The following CCDC172 variants were observed in gnomAD, a reference collection of about 807,000 sequenced individuals.
CCDC172 encodes coiled-coil domain-containing protein 172.
Under a neutral mutation model 38.0 loss-of-function variants are expected in CCDC172, and 30 were observed. That is an observed-to-expected ratio of 0.79 (90% CI 0.59 to 1.07). The LOEUF (loss-of-function observed/expected upper bound fraction) is 1.07. Among genes scored for constraint, CCDC172 ranks in the 50% least tolerant of loss-of-function variants. The pLI, the probability that CCDC172 is intolerant of heterozygous loss-of-function variation, is 0.00. For missense variants in CCDC172, 297 were observed against 290.1 expected, an observed-to-expected ratio of 1.02 and a Z score of -0.17; for synonymous variants, 78 against 88.3, an observed-to-expected ratio of 0.88 and a Z score of 0.66.
chr10:116,346,676 A>G (rs951314888), intron 5 of CCDC172, among the ~76,000 whole-genome samples: 1 of 151,984 alleles, frequency 6.6e-6, no homozygotes, highest in African/African-American at 2.4e-5. Context: ...AGTCCCTGAT[A>G]TCACAGATGC....
chr10:116,328,366 C>T (rs908681566), intron 3 of CCDC172, among the ~76,000 whole-genome samples: 14 of 152,004 alleles, frequency 9.2e-5, no homozygotes, highest in Non-Finnish European at 1.8e-4. Context: ...TCCAAAACTT[C>T]TGATAGTTAA....
intron 3 of CCDC172, among the ~76,000 whole-genome samples, chr10:116,330,751 A>T (rs986531406): frequency 2.2e-4 from 34 of 152,088 alleles, no homozygotes; most frequent in Admixed American, 2.0e-4. Flanking sequence ...TTTATTTTTA[A>T]GAGACAGAGT....
rs149010852 is a variant in CCDC172, at chr10:116,377,906, C to T, written c.654-517C>T. ...ATAAAATTATTAAATGTCAGCTGGG[C>T]GTGGTGGCTAACACCTGTAATCCCA... is the stretch of plus-strand genomic sequence containing the variant. On this transcript the variant is annotated intron_variant, in intron 7 of 8. Transcript: ENST00000333254. Among the ~76,000 whole-genome samples, 805 of 152,180 alleles carry T rather than the reference C, an allele frequency of 5.3e-3. 7 individuals are homozygous for T. The highest frequency in any genetic ancestry group is 0.016 in the African/African-American group (665 of 41,530).
intron 8 of CCDC172, among the ~76,000 whole-genome samples, 190 bp downstream of exon 8, chr10:116,378,700 G>GAT (rs1845278291): frequency 6.6e-6 from 1 of 152,082 alleles, no homozygotes; most frequent in South Asian, 2.1e-4. Flanking sequence ...AGAGTTAGGT[G>GAT]CTACATGAAG....
intron 7 of CCDC172, among the ~76,000 whole-genome samples, chr10:116,361,372 TAACA>T (rs138651553): frequency 6.6e-6 from 1 of 152,302 alleles, no homozygotes; most frequent in African/African-American, 2.4e-5. Context: ...AATTATAACA[TAACA>T]GACAATTTTA....
At chr10:116,327,210 C>T (rs757696648) in intron 3 of CCDC172, among the ~76,000 whole-genome samples, 1 of 152,138 alleles carries the variant, frequency 6.6e-6, no homozygotes, top group Non-Finnish European at 1.5e-5. Flanking sequence ...AATTCAGAAA[C>T]AATTAAACTA....
chr10:116,341,278 A>G (rs944934717), intron 4 of CCDC172, among the ~76,000 whole-genome samples: 1 of 152,068 alleles, frequency 6.6e-6, no homozygotes, highest in Non-Finnish European at 1.5e-5. Flanking sequence ...ATTTAGAAAT[A>G]TGACTTGTGA....
At chr10:116,346,453 C>T (rs776165883) in intron 5 of CCDC172, among the ~76,000 whole-genome samples, 8 of 151,938 alleles carry the variant, frequency 5.3e-5, no homozygotes, top group Non-Finnish European at 7.4e-5. Flanking sequence ...TGCAAACTAA[C>T]GTAAAGCCAT....
At chr10:116,371,854 A>G (rs1230936033) in intron 7 of CCDC172, among the ~76,000 whole-genome samples, 1 of 152,112 alleles carries the variant, frequency 6.6e-6, no homozygotes, top group African/African-American at 2.4e-5. Flanking sequence ...GTCTCTCCCC[A>G]AAAGATAAGA....
chr10:116,363,792 C>T (rs898034202), intron 7 of CCDC172, among the ~76,000 whole-genome samples: 5 of 151,646 alleles, frequency 3.3e-5, no homozygotes, highest in African/African-American at 1.2e-4. Flanking sequence ...CAAAAATTAG[C>T]TGGGGGTGGA....
intron 7 of CCDC172, 81 bp downstream of exon 7, chr10:116,358,019 CA>C: frequency 1.4e-6 from 1 of 714,480 alleles, no homozygotes; most frequent in Admixed American, 2.9e-5. Context: ...CTAAGTGCAT[CA>C]ATTATTAATT....
chr10:116,374,196 T>G (rs1034866478), intron 7 of CCDC172, among the ~76,000 whole-genome samples: 5 of 152,142 alleles, frequency 3.3e-5, no homozygotes, highest in African/African-American at 4.8e-5. Context: ...CGTATTGCAC[T>G]TAATGATGAG....
chr10:116,368,440 C>A (rs891056362), intron 7 of CCDC172, among the ~76,000 whole-genome samples: 3 of 151,724 alleles, frequency 2.0e-5, no homozygotes, highest in African/African-American at 7.3e-5. Flanking sequence ...TTTATTTCTC[C>A]TTTAAAAAAA....
intron 7 of CCDC172, among the ~76,000 whole-genome samples, chr10:116,362,813 T>C (rs1845079960): frequency 6.6e-6 from 1 of 152,192 alleles, no homozygotes; most frequent in African/African-American, 2.4e-5. Flanking sequence ...CTCTGCATCT[T>C]TTCTGGTAAA....
At chr10:116,330,775 C>T (rs1370234668) in intron 3 of CCDC172, among the ~76,000 whole-genome samples, 2 of 151,852 alleles carry the variant, frequency 1.3e-5, no homozygotes, top group Non-Finnish European at 2.9e-5. Flanking sequence ...ACTCTGTTAC[C>T]CAGATTGGAG....
At chr10:116,379,251 G>T (rs1845283775) in intron 8 of CCDC172, 72 bp from the exon 9 acceptor site, 1 of 766,114 alleles carries the variant, frequency 1.3e-6, no homozygotes, top group South Asian at 2.4e-5. Flanking sequence ...ATTAAATTTA[G>T]GTACATTTTA....
chr10:116,348,780 C>T (rs988685294), intron 5 of CCDC172, among the ~76,000 whole-genome samples: 1 of 152,116 alleles, frequency 6.6e-6, no homozygotes, highest in Non-Finnish European at 1.5e-5. Context: ...AGGCATGCTG[C>T]CCTCTTTTGT....
chr10:116,366,559 T>C (rs916419568), intron 7 of CCDC172, among the ~76,000 whole-genome samples: 1 of 152,180 alleles, frequency 6.6e-6, no homozygotes, highest in African/African-American at 2.4e-5. Flanking sequence ...CGTTGGTGAG[T>C]GTAGATGTAT....
chr10:116,357,664 T>G (rs1845015803), intron 6 of CCDC172, among the ~76,000 whole-genome samples, 172 bp from the exon 7 acceptor site: 1 of 152,046 alleles, frequency 6.6e-6, no homozygotes, highest in Admixed American at 6.5e-5. Context: ...ACAAATTTTT[T>G]GAAGATCTTT....
Sources: allele counts gnomAD v4.1 joint callset (sites outside exome capture counted in the v4.1 genomes callset), GRCh38; gene constraint gnomAD v4.1.1; transcripts MANE v1.5; gene names NCBI Gene and HGNC (gene_info 2026-07-23, HGNC 2026-07-21).